Variants in HOMER3 observed in about 807,000 individuals in gnomAD.
The protein encoded by HOMER3 is homer protein homolog 3.
A neutral mutation model predicts 45.5 loss-of-function variants in HOMER3; 34 were observed. That is an observed-to-expected ratio of 0.75 (90% CI 0.57 to 1.00). The LOEUF (loss-of-function observed/expected upper bound fraction) is 1.00, where lower values mean the gene tolerates loss of function less well. Ranked by LOEUF, HOMER3 falls within the 50% of genes least tolerant of loss-of-function variation. HOMER3 has a pLI of 0.00. For synonymous variants in HOMER3, 223 were observed against 208.8 expected (o/e 1.07, Z -0.58); for missense variants, 480 against 497.5 (o/e 0.96, Z 0.33).
chr19:18,934,361 T>C lies in HOMER3; in HGVS notation c.353A>G (p.Glu118Gly). ...EVKEAARLAR[E>G]KSQDGGELTS... is the part of the protein sequence containing the mutation. ...GAGCTCCCCGCCATCCTGAGATTTC[T>C]CCCTGGCCAGCCTGGCTGCTTCCTT... The change falls in exon 5 of 10, where the codon GAG becomes GGG. Residue 118 changes from glutamate (E) to glycine (G), a missense_variant. Transcript: ENST00000392351. The C allele has an allele frequency of 6.3e-7, 1 of 1,592,478 alleles. No homozygotes were observed. Among genetic ancestry groups the C allele is most frequent in the Non-Finnish European group, 8.5e-7 (1 of 1,169,956 alleles).
intron 4 of HOMER3, 23 bp downstream of exon 4, chr19:18,938,330 A>T (rs1478528119): frequency 6.3e-7 from 1 of 1,592,204 alleles, no homozygotes; most frequent in Admixed American, 1.7e-5. Flanking sequence ...GGTTCCCTCC[A>T]CTCTCCCCCT....
At chr19:18,932,885 A>AAAACCCCC in intron 6 of HOMER3, 39 bp downstream of exon 6, 1 of 687,538 alleles carries the variant, frequency 1.5e-6, no homozygotes, top group Non-Finnish European at 2.1e-6. Flanking sequence ...CCCCACCCCT[A>AAAACCCCC]CCCCCGCCCC....
chr19:18,936,313 C>CAA (rs545186459), intron 4 of HOMER3, among the ~76,000 whole-genome samples: 18 of 122,104 alleles, frequency 1.5e-4, no homozygotes, highest in South Asian at 4.9e-4. Flanking sequence ...AACTCTGTCT[C>CAA]AAAAAAATAA....
chr19:18,935,872 T>TAAAAAAACA (rs2057087020), intron 4 of HOMER3, among the ~76,000 whole-genome samples: 13 of 148,972 alleles, frequency 8.7e-5, no homozygotes, highest in Non-Finnish European at 1.3e-4. Context: ...ACACAAAAAT[T>TAAAAAAACA]AGCCAGGCAT....
chr19:18,932,209 G>C, intron 6 of HOMER3, 77 bp from the exon 7 acceptor site: 1 of 1,327,970 alleles, frequency 7.5e-7, no homozygotes, highest in Non-Finnish European at 1.0e-6. Context: ...CTAGGGGGCG[G>C]GGCCAGGGGT....
In HOMER3 at chr19:18,931,493, C is replaced by T. The variant is rs748098701; in HGVS notation, c.807+16G>A. ...GTGAGGGAAGGCGAGGCCCAGGAAC[C>T]ACACTTGGCACTCACCTGGTCCTTG... On this transcript the variant is annotated intron_variant, in intron 8 of 9. Coordinates refer to ENST00000392351, the MANE Select transcript of HOMER3 (RefSeq NM_004838.4). 1.9e-6 allele frequency: 3 copies of T among 1,612,418 alleles called. No homozygotes were observed. The highest frequency in any genetic ancestry group is 1.7e-5 in the Admixed American group (1 of 59,918).
At chr19:18,935,073 T>C (rs904263530) in intron 4 of HOMER3, among the ~76,000 whole-genome samples, 1 of 151,652 alleles carries the variant, frequency 6.6e-6, no homozygotes, top group Non-Finnish European at 1.5e-5. Context: ...AATTCCCGGC[T>C]TGAAGTGATC....
intron 6 of HOMER3, among the ~76,000 whole-genome samples, chr19:18,932,347 G>T (rs1254598218): frequency 7.0e-6 from 1 of 142,568 alleles, no homozygotes; most frequent in African/African-American, 2.6e-5. Flanking sequence ...GGCAATGCTC[G>T]GTTAGGGGGC....
Position 18,931,979 on chromosome 19 carries a change from C to G in HOMER3, c.687G>C (p.Gln229His). ...TCGGAGGGAGGGGTGCCCTCACCCG[C>G]TGCCGCAGCCGCTCGGCCTCTGCAC... ...AQRAEAERLR[Q>H]RVAELEAQAA... Residue 229 changes from glutamine to histidine, a missense_variant, in exon 7 of 10, where the codon CAG (glutamine) becomes CAC (histidine). By Grantham distance (24) the Gln-to-His change is conservative. Transcript: ENST00000392351. The G allele has an allele frequency of 3.3e-6, 5 of 1,527,746 alleles. No homozygotes were observed. Among genetic ancestry groups the G allele is most frequent in the Non-Finnish European group, 4.4e-6 (5 of 1,136,230 alleles). The allele number at this position is 1,527,746 out of a possible 1,614,324, so 94.6% of individuals were successfully genotyped here. A position where few individuals can be genotyped will look rare whatever the true frequency, so the allele number is the denominator to read the frequency against.
At chr19:18,937,352 A>G (rs907162313) in intron 4 of HOMER3, among the ~76,000 whole-genome samples, 2 of 151,318 alleles carry the variant, frequency 1.3e-5, no homozygotes, top group African/African-American at 4.9e-5. Context: ...GGAAAAAAAA[A>G]GAAGAAAGGT....
chr19:18,932,166 C>G, intron 6 of HOMER3, 34 bp from the exon 7 acceptor site: 4 of 966,300 alleles, frequency 4.1e-6, no homozygotes, highest in South Asian at 2.4e-5. Context: ...GTGGGTGACA[C>G]GGGGCTGGGG....
chr19:18,936,290 G>T (rs955939660), intron 4 of HOMER3, among the ~76,000 whole-genome samples: 3 of 146,172 alleles, frequency 2.1e-5, no homozygotes, highest in Non-Finnish European at 4.5e-5. Flanking sequence ...TCCAGCCTGG[G>T]GGACAAGAGT....
At chr19:18,937,989 C>T (rs529188571) in intron 4 of HOMER3, among the ~76,000 whole-genome samples, 5 of 151,920 alleles carry the variant, frequency 3.3e-5, no homozygotes, top group African/African-American at 1.2e-4. Flanking sequence ...GTCAGGAGTT[C>T]GAGACCAGCC....
intron 7 of HOMER3, 123 bp downstream of exon 7, chr19:18,931,853 T>A: frequency 5.6e-6 from 8 of 1,428,564 alleles, no homozygotes; most frequent in East Asian, 2.5e-5. Context: ...TGAGGCTGGG[T>A]CAGTGACCTG....
Position 18,931,585 on chromosome 19 carries a change from G to A in HOMER3, c.731C>T (p.Pro244Leu). ...GCCCAGCCCCTCCTTCTCACCGGTG[G>A]GGGTCACCTCTGAAGCTGCCTGAGC... Reference protein sequence around the residue: ...LEAQAASEVTPTGEKEGLGQG... With the variant: ...LEAQAASEVTLTGEKEGLGQG... The change falls in exon 8 of 10, where the codon CCC becomes CTC. Residue 244 changes from proline (P) to leucine (L), a missense_variant. Physicochemically the swap from Pro to Leu is moderately conservative, Grantham distance 98 (BLOSUM62 -3). Transcript: ENST00000392351. 6.2e-7 allele frequency: 1 copy of A among 1,613,054 alleles called. No individual in the cohort carries two copies. Among genetic ancestry groups the A allele is most frequent in the Non-Finnish European group, 8.5e-7 (1 of 1,179,952 alleles).
At chr19:18,938,543 C>T (rs1195472376) in intron 3 of HOMER3, 59 bp from the exon 4 acceptor site, 3 of 1,579,906 alleles carry the variant, frequency 1.9e-6, no homozygotes, top group Admixed American at 1.7e-5. Context: ...ACATGAAACC[C>T]CCCAGGTATT....
intron 4 of HOMER3, among the ~76,000 whole-genome samples, chr19:18,935,872 T>TAAAAAAACAA (rs2057087020): frequency 1.9e-4 from 29 of 148,932 alleles, no homozygotes; most frequent in Admixed American, 3.4e-4. Context: ...ACACAAAAAT[T>TAAAAAAACAA]AGCCAGGCAT....
At chr19:18,932,376 G>A (rs1156765116) in intron 6 of HOMER3, among the ~76,000 whole-genome samples, 1 of 137,966 alleles carries the variant, frequency 7.2e-6, no homozygotes, top group Admixed American at 7.3e-5. Flanking sequence ...GGTGGGTGGC[G>A]CTGGGCTGAG....
At chr19:18,934,498 C>T (rs574364047) in intron 4 of HOMER3, 88 bp from the exon 5 acceptor site, 10 of 667,572 alleles carry the variant, frequency 1.5e-5, no homozygotes, top group South Asian at 2.3e-5. Flanking sequence ...CCGCCACTTT[C>T]GAACCGTACC....
Sources: gnomAD v4.1 joint callset for allele counts (sites outside exome capture counted in the v4.1 genomes callset) on GRCh38, gnomAD v4.1.1 for gene constraint, MANE v1.5 for transcripts, NCBI Gene and HGNC (gene_info 2026-07-23, HGNC 2026-07-21) for gene names.